CHIC2: variants seen among roughly 807,000 people sequenced by gnomAD.
CHIC2 encodes cysteine rich hydrophobic domain 2, also known as cysteine-rich hydrophobic domain-containing protein 2.
A neutral mutation model predicts 25.9 loss-of-function variants in CHIC2; 14 were observed. That is an observed-to-expected ratio of 0.54 (90% CI 0.36 to 0.85). The LOEUF is 0.85. Among genes scored for constraint, CHIC2 ranks in the 40% least tolerant of loss-of-function variants. CHIC2 has a pLI of 0.01. For missense variants in CHIC2, 146 were observed against 202.0 expected, an observed-to-expected ratio of 0.72 and a Z score of 1.68; for synonymous variants, 70 against 72.0, an observed-to-expected ratio of 0.97 and a Z score of 0.14.
rs528064308 is a variant in CHIC2 at position 54,041,662 on chromosome 4, T to C, written c.330+7293A>G. Among the ~76,000 whole-genome samples, 312 of 152,328 alleles carry C rather than the reference T, an allele frequency of 2.0e-3. 2 individuals carry two copies. The highest frequency in any genetic ancestry group is 3.9e-3 in the Non-Finnish European group (262 of 68,036). ...AAGTTTTCTAGTATTTTGATAACTA[T>C]ATTTTATATAATTGGTTTCCTCTGT... is the stretch of plus-strand genomic sequence containing the variant. On this transcript the variant is annotated intron_variant, in intron 3 of 5. Coordinates refer to ENST00000263921, the MANE Select transcript of CHIC2 (RefSeq NM_012110.4).
the CHIC2 span, among the ~76,000 whole-genome samples, chr4:54,073,292 T>C: frequency 6.6e-6 from 1 of 152,192 alleles, no homozygotes; most frequent in African/African-American, 2.4e-5. Context: ...GCCTTCAGGA[T>C]GGTCCCTGAG....
chr4:54,063,176 C>T (rs780749655), intron 1 of CHIC2, among the ~76,000 whole-genome samples: 1 of 152,190 alleles, frequency 6.6e-6, no homozygotes, highest in Non-Finnish European at 1.5e-5. Flanking sequence ...ATAATGAAGA[C>T]TATTCCAGAC....
chr4:54,086,029 C>T, the CHIC2 span, among the ~76,000 whole-genome samples: 2 of 151,978 alleles, frequency 1.3e-5, no homozygotes, highest in African/African-American at 4.8e-5. Context: ...TTATAAACTG[C>T]AGTCCTGTAT....
At chr4:54,072,890 G>A in the CHIC2 span, among the ~76,000 whole-genome samples, 8 of 152,162 alleles carry the variant, frequency 5.3e-5, no homozygotes, top group African/African-American at 1.9e-4. Flanking sequence ...GGCTAACACA[G>A]TGAAACCCCG....
At chr4:54,078,716 T>C in the CHIC2 span, among the ~76,000 whole-genome samples, 1 of 151,822 alleles carries the variant, frequency 6.6e-6, no homozygotes, top group Non-Finnish European at 1.5e-5. Context: ...GGTTTCGCCA[T>C]GTTGGCCAGG....
the CHIC2 span, among the ~76,000 whole-genome samples, chr4:54,072,153 T>C: frequency 1.1e-3 from 163 of 151,866 alleles, 1 homozygote; most frequent in East Asian, 0.028. Flanking sequence ...ATTATCTGGG[T>C]GTCATGGCGC....
chr4:54,046,308 C>T (rs1401651793), intron 3 of CHIC2, among the ~76,000 whole-genome samples: 9 of 152,048 alleles, frequency 5.9e-5, no homozygotes, highest in East Asian at 1.9e-4. Context: ...TACTTTAAAG[C>T]TCATATGGAA....
chr4:54,027,120 A>C (rs749745160), intron 3 of CHIC2, among the ~76,000 whole-genome samples: 1 of 152,192 alleles, frequency 6.6e-6, no homozygotes, highest in Non-Finnish European at 1.5e-5. Flanking sequence ...GAAAACTGGA[A>C]TCTATTTTAA....
intron 1 of CHIC2, among the ~76,000 whole-genome samples, chr4:54,053,084 T>C (rs1170448406): frequency 6.6e-6 from 1 of 152,216 alleles, no homozygotes; most frequent in Admixed American, 6.5e-5. Flanking sequence ...CTTCCCTCCC[T>C]TTCATTTTTA....
intron 3 of CHIC2, among the ~76,000 whole-genome samples, chr4:54,044,276 G>A (rs912045818): frequency 1.3e-5 from 2 of 152,162 alleles, no homozygotes; most frequent in African/African-American, 2.4e-5. Context: ...TCCAGGAATT[G>A]AACTCAGCTC....
intron 1 of CHIC2, among the ~76,000 whole-genome samples, chr4:54,058,612 T>C (rs1292427661): frequency 6.7e-6 from 1 of 149,606 alleles, no homozygotes; most frequent in Non-Finnish European, 1.5e-5. Flanking sequence ...ACACAGAAGA[T>C]ACCTGAAGGA....
At chr4:54,042,010 T>TAA (rs769381790) in intron 3 of CHIC2, among the ~76,000 whole-genome samples, 14 of 135,150 alleles carry the variant, frequency 1.0e-4, no homozygotes, top group Non-Finnish European at 2.1e-4. Context: ...AAGTATAATT[T>TAA]AAAAAAAAAA....
intron 3 of CHIC2, among the ~76,000 whole-genome samples, chr4:54,022,185 A>G (rs1466470160): frequency 1.3e-5 from 2 of 151,406 alleles, no homozygotes; most frequent in Non-Finnish European, 2.9e-5. Context: ...AGACTGTCCA[A>G]CTCGCCCGGC....
At position 54,058,352 on chromosome 4, in the gene CHIC2, T is replaced by C. The variant is rs554880967; in HGVS notation, c.119+5830A>G. On this transcript the variant is annotated intron_variant, in intron 1 of 5. Coordinates refer to ENST00000263921, the MANE Select transcript of CHIC2 (RefSeq NM_012110.4). ...AAGTTCGGAAAGGTTAATCTGCTTA[T>C]GGTTACTGTCAGGAAGTGACTGAGA... 4.6e-5 allele frequency among the ~76,000 whole-genome samples: 7 copies of C among 152,316 alleles called. No homozygotes were observed. In the East Asian group the frequency reaches 1.2e-3, roughly 25 times the overall value.
the CHIC2 span, among the ~76,000 whole-genome samples, chr4:54,079,034 T>C: frequency 6.6e-6 from 1 of 150,626 alleles, no homozygotes; most frequent in Non-Finnish European, 1.5e-5. Flanking sequence ...CTAGCCAACA[T>C]GGTGAAACCC....
At chr4:54,091,590 C>T in the CHIC2 span, among the ~76,000 whole-genome samples, 2 of 152,324 alleles carry the variant, frequency 1.3e-5, no homozygotes, top group African/African-American at 4.8e-5. Context: ...GTACAGTGTA[C>T]ACTGCTTGGG....
intron 3 of CHIC2, among the ~76,000 whole-genome samples, chr4:54,040,318 G>A (rs1381481516): frequency 6.6e-6 from 1 of 152,194 alleles, no homozygotes; most frequent in South Asian, 2.1e-4. Flanking sequence ...TGTAATCCCA[G>A]CACTTTGGGA....
chr4:54,056,260 G>A (rs1717170549), intron 1 of CHIC2, among the ~76,000 whole-genome samples: 1 of 152,124 alleles, frequency 6.6e-6, no homozygotes, highest in Non-Finnish European at 1.5e-5. Flanking sequence ...ATATAGGGAT[G>A]CAGCTGATCT....
Position 54,048,979 on chromosome 4 carries a change from C to T in CHIC2, c.306G>A (p.Trp102Ter). ...CTCTTTTACTGAGGCAAATAACTGGCCACATACTGCAACCTAATGTGCAGC... is the reference window on the plus strand; with the variant it reads ...CTCTTTTACTGAGGCAAATAACTGGTCACATACTGCAACCTAATGTGCAGC... ...CCCCTLGCSM[W>*]PVICLSKRTR... The change falls in exon 3 of 6, where the codon TGG becomes TGA. Residue 102 changes from tryptophan to a stop codon, truncating the protein, a stop_gained. Coordinates refer to ENST00000263921, the MANE Select transcript of CHIC2 (RefSeq NM_012110.4). LOFTEE classifies it high-confidence loss of function. 6.3e-7 allele frequency: 1 copy of T among 1,586,462 alleles called. No individual in the cohort carries two copies. Among genetic ancestry groups the T allele is most frequent in the Non-Finnish European group, 8.6e-7 (1 of 1,164,278 alleles).
Sources: allele counts gnomAD v4.1 joint callset (sites outside exome capture counted in the v4.1 genomes callset), GRCh38; gene constraint gnomAD v4.1.1; transcripts MANE v1.5; gene names NCBI Gene and HGNC (gene_info 2026-07-23, HGNC 2026-07-21).